Variants in CATSPERT observed in about 807,000 individuals in gnomAD.
CATSPERT encodes cation channel sperm-associated targeting subunit tau.
chr2:201,501,815 A>G, the CATSPERT span, among the ~76,000 whole-genome samples: 1 of 152,356 alleles, frequency 6.6e-6, no homozygotes, highest in African/African-American at 2.4e-5. Context: ...CATCTCTTAA[A>G]AAAGCCAAAC....
the CATSPERT span, among the ~76,000 whole-genome samples, chr2:201,610,872 C>A: frequency 6.6e-6 from 1 of 152,026 alleles, no homozygotes. Flanking sequence ...AGGGCAAAAA[C>A]CAAATGATCA....
chr2:201,518,248 TTTTC>T, the CATSPERT span, among the ~76,000 whole-genome samples: 1 of 152,110 alleles, frequency 6.6e-6, no homozygotes, highest in African/African-American at 2.4e-5. Context: ...AGGCAATAGT[TTTTC>T]TTTGACTGCC....
At chr2:201,595,407 C>G in the CATSPERT span, among the ~76,000 whole-genome samples, 1 of 152,032 alleles carries the variant, frequency 6.6e-6, no homozygotes, top group African/African-American at 2.4e-5. Context: ...CCAGGATGGT[C>G]TCGATCTCCT....
the CATSPERT span, chr2:201,565,666 A>T: frequency 6.9e-7 from 1 of 1,454,398 alleles, no homozygotes; most frequent in Non-Finnish European, 9.1e-7. Context: ...AATATATTAT[A>T]CAAATAACAC....
the CATSPERT span, among the ~76,000 whole-genome samples, chr2:201,606,827 A>T: frequency 6.6e-6 from 1 of 151,466 alleles, no homozygotes. Context: ...TCAACCCGGA[A>T]GGTGGAGATT....
the CATSPERT span, chr2:201,537,455 G>T: frequency 6.3e-7 from 1 of 1,589,826 alleles, no homozygotes; most frequent in Non-Finnish European, 8.6e-7. Context: ...AGTAGTTTCA[G>T]CTTCCTCATT....
chr2:201,548,774 G>A, the CATSPERT span, among the ~76,000 whole-genome samples: 1 of 152,070 alleles, frequency 6.6e-6, no homozygotes, highest in African/African-American at 2.4e-5. Context: ...CATGAATATA[G>A]ATGTGAACAT....
At chr2:201,602,334 A>G in the CATSPERT span, among the ~76,000 whole-genome samples, 4 of 152,132 alleles carry the variant, frequency 2.6e-5, no homozygotes, top group African/African-American at 7.2e-5. Flanking sequence ...TCTGTATTGT[A>G]TCTTTCATAG....
chr2:201,510,716 T>A, the CATSPERT span, among the ~76,000 whole-genome samples: 4 of 151,908 alleles, frequency 2.6e-5, no homozygotes, highest in African/African-American at 9.7e-5. Flanking sequence ...TTAAAAAAAA[T>A]CATAGATAGA....
chr2:201,596,639 G>T, the CATSPERT span, among the ~76,000 whole-genome samples: 1 of 152,164 alleles, frequency 6.6e-6, no homozygotes, highest in Non-Finnish European at 1.5e-5. Context: ...TTGAGTGACA[G>T]TATCCCACCA....
chr2:201,613,544 A>C, the CATSPERT span, among the ~76,000 whole-genome samples: 1 of 152,170 alleles, frequency 6.6e-6, no homozygotes, highest in Non-Finnish European at 1.5e-5. Flanking sequence ...CCAAAATCTC[A>C]TCTGTACATC....
the CATSPERT span, among the ~76,000 whole-genome samples, chr2:201,542,307 T>C: frequency 1.3e-5 from 2 of 152,226 alleles, no homozygotes; most frequent in South Asian, 4.1e-4. Flanking sequence ...ATCTTGACTA[T>C]AGTAATAACA....
the CATSPERT span, among the ~76,000 whole-genome samples, chr2:201,538,917 T>C: frequency 6.6e-6 from 1 of 152,150 alleles, no homozygotes; most frequent in East Asian, 1.9e-4. Flanking sequence ...GAACATGTGG[T>C]ATTTAGTTTT....
the CATSPERT span, among the ~76,000 whole-genome samples, chr2:201,602,915 G>C: frequency 2.2e-4 from 34 of 152,260 alleles, no homozygotes; most frequent in Non-Finnish European, 4.1e-4. Context: ...ATAGGACTTA[G>C]GGAAAGAGAG....
At chr2:201,526,220 A>C in the CATSPERT span, among the ~76,000 whole-genome samples, 1 of 152,160 alleles carries the variant, frequency 6.6e-6, no homozygotes, top group Non-Finnish European at 1.5e-5. Flanking sequence ...AATCCTCAAT[A>C]AAATACTAGC....
the CATSPERT span, among the ~76,000 whole-genome samples, chr2:201,562,534 T>A: frequency 0.058 from 8,227 of 142,556 alleles, 274 homozygotes; most frequent in African/African-American, 0.083. Flanking sequence ...TTATTTTTTT[T>A]ATTGATCATT....
chr2:201,593,696 C>T, the CATSPERT span, among the ~76,000 whole-genome samples: 2 of 150,800 alleles, frequency 1.3e-5, no homozygotes, highest in Non-Finnish European at 3.0e-5. Flanking sequence ...GGATAGTTAG[C>T]TCTTCTTGTT....
the CATSPERT span, among the ~76,000 whole-genome samples, chr2:201,581,319 T>C: frequency 2.0e-5 from 3 of 150,348 alleles, no homozygotes; most frequent in African/African-American, 7.4e-5. Flanking sequence ...GGCAGGAGAA[T>C]CCCTTGAGCC....
At chr2:201,490,848 C>G in the CATSPERT span, among the ~76,000 whole-genome samples, 1 of 152,082 alleles carries the variant, frequency 6.6e-6, no homozygotes, top group African/African-American at 2.4e-5. Context: ...CTCAGCCTCC[C>G]GAGTAGCTGG....
Sources: gnomAD v4.1 joint callset for allele counts (sites outside exome capture counted in the v4.1 genomes callset) on GRCh38, gnomAD v4.1.1 for gene constraint, MANE v1.5 for transcripts, NCBI Gene and HGNC (gene_info 2026-07-23, HGNC 2026-07-21) for gene names.